Variants in PRPF31 observed in about 807,000 individuals in gnomAD.
The protein encoded by PRPF31 is U4/U6 small nuclear ribonucleoprotein Prp31.
In PRPF31, 12 loss-of-function variants were observed where a neutral mutation model predicts 60.4. That is an observed-to-expected ratio of 0.20 (90% CI 0.13 to 0.32). The LOEUF is 0.32. Ranked by LOEUF, PRPF31 falls within the 10% of genes least tolerant of loss-of-function variation. The pLI is 1.00. For synonymous variants in PRPF31, 287 were observed against 287.9 expected, an observed-to-expected ratio of 1.00 and a Z score of 0.03; for missense variants, 431 against 687.1, an observed-to-expected ratio of 0.63 and a Z score of 4.17.
intron 9 of PRPF31, 139 bp downstream of exon 9, chr19:54,126,756 C>T: frequency 5.6e-6 from 5 of 895,448 alleles, no homozygotes; most frequent in South Asian, 1.4e-5. Context: ...TGCCCACCCT[C>T]CCTGGGGTCA....
intron 5 of PRPF31, 164 bp downstream of exon 5, chr19:54,122,758 G>T: frequency 1.4e-6 from 1 of 708,818 alleles, no homozygotes; most frequent in East Asian, 2.7e-5. Flanking sequence ...AGCCTGGACA[G>T]GACTTTCTCA....
intron 4 of PRPF31, 98 bp downstream of exon 4, chr19:54,122,041 C>A: frequency 7.7e-7 from 1 of 1,295,286 alleles, no homozygotes. Context: ...GCCCCTAAGC[C>A]CAAGCTCAGA....
At position 54,129,059 on chromosome 19, in the gene PRPF31, C is replaced by G; in HGVS notation, c.1149C>G (p.Ile383Met). The change falls in exon 12 of 14, where the codon ATC (isoleucine) becomes ATG (methionine). Residue 383 changes from isoleucine (I) to methionine (M), a missense_variant and splice_region_variant. Transcript: ENST00000321030. ...KQANRMSFGE[I>M]EEDAYQEDLG... ...AGGGCGCCTCCTCTCCCCCCTAGAT[C>G]GAGGAGGACGCCTACCAGGAGGACC... 2 of 1,570,798 alleles carry G rather than the reference C, an allele frequency of 1.3e-6. No individual in the cohort carries two copies. The highest frequency in any genetic ancestry group is 1.7e-6 in the Non-Finnish European group (2 of 1,158,834).
intron 3 of PRPF31, among the ~76,000 whole-genome samples, chr19:54,119,242 C>T (rs1329823649): frequency 2.0e-5 from 3 of 151,800 alleles, no homozygotes; most frequent in East Asian, 2.0e-4. Context: ...ATTAGCCAGG[C>T]GTGGTGGCGG....
At position 54,131,605 on chromosome 19, in the gene PRPF31, G is replaced by A. The variant is rs970507900; in HGVS notation, c.*173G>A. 66 of 939,596 alleles carry A rather than the reference G, an allele frequency of 7.0e-5. No homozygotes were observed. Among genetic ancestry groups the A allele is most frequent in the East Asian group, 7.9e-5 (3 of 38,098 alleles). The allele number at this position is 939,596 out of a possible 1,614,324, so 58.2% of individuals were successfully genotyped here. A position where few individuals can be genotyped will look rare whatever the true frequency, so the allele number is the denominator to read the frequency against. On this transcript the variant is annotated 3_prime_UTR_variant, in exon 14 of 14. Coordinates refer to ENST00000321030, the MANE Select transcript of PRPF31 (RefSeq NM_015629.4). ...GTCCGGCCTGGCCTCCCCCAGGACC[G>A]AGATCACCGCCCAGTATGGGCTAGA...
chr19:54,121,641 G>T (rs751669448), intron 3 of PRPF31, among the ~76,000 whole-genome samples: 5 of 152,162 alleles, frequency 3.3e-5, no homozygotes, highest in Non-Finnish European at 7.3e-5. Context: ...GGTCAGTTCT[G>T]GGGTAGATGG....
chr19:54,124,364 A>G, intron 7 of PRPF31, 135 bp from the exon 8 acceptor site: 1 of 890,448 alleles, frequency 1.1e-6, no homozygotes, highest in Non-Finnish European at 1.8e-6. Flanking sequence ...CCCGCCTGGC[A>G]GGGCCATCGA....
rs2073930666 is a variant in PRPF31 at position 54,126,694 on chromosome 19, C to CA, written c.945+78dup. ...GGTGTCTCTGCAGGGAGACCCTCAG[C>CA]AGGGAGCCCACCCCAGCGAGCACTG... On this transcript the variant is annotated intron_variant, in intron 9 of 13. Coordinates refer to ENST00000321030, the MANE Select transcript of PRPF31 (RefSeq NM_015629.4). 7.9e-6 allele frequency: 11 copies of CA among 1,389,958 alleles called. No individual in the cohort carries two copies. In the South Asian group the frequency reaches 1.3e-4, roughly 17 times the overall value. 86.1% of individuals were successfully genotyped at this position (1,389,958 alleles called of 1,614,324 possible).
chr19:54,123,445 C>G lies in PRPF31; in HGVS notation c.421-9C>G. ...CCGAGCCTCCCCTATCTTCTCTGCTCGCCCCCAGGAGCTGGGCAACAGCCT... is the reference window on the plus strand; with the variant it reads ...CCGAGCCTCCCCTATCTTCTCTGCTGGCCCCCAGGAGCTGGGCAACAGCCT... On this transcript the variant is annotated splice_polypyrimidine_tract_variant and intron_variant, in intron 5 of 13. Coordinates refer to ENST00000321030, the MANE Select transcript of PRPF31 (RefSeq NM_015629.4). 2 of 1,610,964 alleles carry G rather than the reference C, an allele frequency of 1.2e-6. No individual in the cohort carries two copies. Among genetic ancestry groups the G allele is most frequent in the Non-Finnish European group, 1.7e-6 (2 of 1,177,126 alleles).
At chr19:54,122,290 C>T in intron 4 of PRPF31, 1 of 686,504 alleles carries the variant, frequency 1.5e-6, no homozygotes, top group South Asian at 1.6e-5. Context: ...CATGTCACTG[C>T]AGCTCACGTT....
chr19:54,121,416 G>A (rs1370774249), intron 3 of PRPF31, among the ~76,000 whole-genome samples: 2 of 152,060 alleles, frequency 1.3e-5, no homozygotes, highest in Non-Finnish European at 2.9e-5. Flanking sequence ...CGGGAAGGGC[G>A]GGAGGCCAGA....
chr19:54,125,567 CTG>C (rs1307154737), intron 8 of PRPF31, among the ~76,000 whole-genome samples: 1 of 151,940 alleles, frequency 6.6e-6, no homozygotes, highest in African/African-American at 2.4e-5. Context: ...CTCTGTCCAA[CTG>C]TGGCGAGTTA....
intron 13 of PRPF31, among the ~76,000 whole-genome samples, 170 bp from the exon 14 acceptor site, chr19:54,131,137 G>A (rs2074039586): frequency 6.6e-6 from 1 of 152,110 alleles, no homozygotes; most frequent in Non-Finnish European, 1.5e-5. Context: ...TCTCCCTCTA[G>A]ACCCACTGAG....
intron 8 of PRPF31, among the ~76,000 whole-genome samples, chr19:54,126,193 A>C (rs1392302551): frequency 6.6e-6 from 1 of 152,152 alleles, no homozygotes; most frequent in Non-Finnish European, 1.5e-5. Flanking sequence ...ATTTGATGAG[A>C]TGATCCGAGG....
chr19:54,124,221 C>T lies in PRPF31; in HGVS notation c.698-278C>T, dbSNP rs998218672. ...TTCCAAAACACAGCCATCCCTGGAA[C>T]GGCGTTAGTGTGGCTTAGCACAAAC... is the stretch of plus-strand genomic sequence containing the variant. On this transcript the variant is annotated intron_variant, in intron 7 of 13. Transcript: ENST00000321030. The T allele has an allele frequency of 2.2e-5, 14 of 647,886 alleles. No individual in the cohort carries two copies. In the East Asian group the frequency reaches 2.2e-4, roughly 10 times the overall value. 40.1% of individuals were successfully genotyped at this position (647,886 alleles called of 1,614,324 possible). A position where few individuals can be genotyped will look rare whatever the true frequency, so the allele number is the denominator to read the frequency against.
At chr19:54,122,281 A>C (rs1568587282) in intron 4 of PRPF31, 2 of 663,446 alleles carry the variant, frequency 3.0e-6, no homozygotes, top group East Asian at 2.6e-5. Flanking sequence ...CTTTAAGAAC[A>C]TGTCACTGCA....
rs200636980 is a variant in PRPF31, at chr19:54,129,126, C to T, written c.1216C>T (p.Arg406Cys). ...CCACCTGGGCAAGTCGGGCAGTGGG[C>T]GTGTGCGGCAGACACAGGTAAACGA... Reference protein sequence around the residue: ...LGHLGKSGSGRVRQTQVNEAT... With the variant: ...LGHLGKSGSGCVRQTQVNEAT... Residue 406 changes from arginine (R) to cysteine (C), a missense_variant, in exon 12 of 14, where the codon CGT becomes TGT. Physicochemically the swap from Arg to Cys is radical, Grantham distance 180 (BLOSUM62 -3). This residue lies in a region of PRPF31 where 314 missense variants were observed against 475.3 expected (regional missense o/e 0.66). Coordinates refer to ENST00000321030, the MANE Select transcript of PRPF31 (RefSeq NM_015629.4). 13 of 1,582,020 alleles carry T rather than the reference C, an allele frequency of 8.2e-6. No homozygotes were observed. In the East Asian group the frequency reaches 1.1e-4, roughly 14 times the overall value.
chr19:54,118,488 C>T, intron 2 of PRPF31, 33 bp downstream of exon 2: 5 of 1,613,958 alleles, frequency 3.1e-6, no homozygotes, highest in Non-Finnish European at 4.2e-6. Flanking sequence ...TAGCAGGGGG[C>T]TCTAGACAGA....
chr19:54,124,333 C>T (rs915748645), intron 7 of PRPF31, 166 bp from the exon 8 acceptor site: 2 of 742,578 alleles, frequency 2.7e-6, no homozygotes, highest in South Asian at 1.6e-5. Flanking sequence ...GCATCTGCCC[C>T]TTGCGGAATG....
Sources: allele counts gnomAD v4.1 joint callset (sites outside exome capture counted in the v4.1 genomes callset), GRCh38; gene constraint gnomAD v4.1.1; regional missense constraint gnomAD v4.1.1; transcripts MANE v1.5; gene names NCBI Gene and HGNC (gene_info 2026-07-23, HGNC 2026-07-21).